Variants in TRRAP observed in about 807,000 individuals in gnomAD.
TRRAP encodes the protein transformation/transcription domain associated protein, also known as transformation/transcription domain-associated protein.
In TRRAP, 41 loss-of-function variants were observed where a neutral mutation model predicts 438.8. The observed-to-expected ratio is 0.09, with a 90% CI of 0.07 to 0.12. The LOEUF (loss-of-function observed/expected upper bound fraction) is 0.12. Among genes scored for constraint, TRRAP ranks in the 10% least tolerant of loss-of-function variants. The pLI is 1.00. For synonymous variants in TRRAP, 1,994 were observed against 1,962.9 expected (o/e 1.02, Z -0.42); for missense variants, 3,122 against 5,055.1 (o/e 0.62, Z 11.60).
intron 47 of TRRAP, among the ~76,000 whole-genome samples, chr7:98,963,766 T>C (rs751614224): frequency 9.9e-5 from 15 of 152,160 alleles, no homozygotes; most frequent in Non-Finnish European, 1.9e-4. Flanking sequence ...CTTTGGTTGA[T>C]CCGTGAATAC....
intron 62 of TRRAP, among the ~76,000 whole-genome samples, chr7:98,986,376 C>T (rs540727196): frequency 3.9e-5 from 6 of 152,282 alleles, no homozygotes; most frequent in East Asian, 3.9e-4. Context: ...CACAGTTGGC[C>T]GTACCATTTT....
rs771972499 is a variant in TRRAP, at chr7:98,967,607, A to G, written c.7421A>G (p.Lys2474Arg). The G allele has an allele frequency of 3.1e-6, 5 of 1,613,946 alleles. No individual in the cohort carries two copies. Among genetic ancestry groups the G allele is most frequent in the African/African-American group, 1.3e-5 (1 of 74,886 alleles). Reference protein sequence around the residue: ...KFFEVFDNSMKRRVYERLLYV... With the variant: ...KFFEVFDNSMRRRVYERLLYV... ...TTCGAGGTTTTTGACAACTCCATGA[A>G]ACGTCGTGTCTACGAGCGCTTGCTC... The change falls in exon 51 of 73, where the codon AAA (lysine) becomes AGA (arginine). Residue 2474 changes from lysine (K) to arginine (R), a missense_variant. By Grantham distance (26) the Lys-to-Arg change is conservative. Transcript: ENST00000456197.
chr7:98,948,772 A>G lies in TRRAP; in HGVS notation c.4788+87A>G, dbSNP rs1260268021. 1.9e-6 allele frequency: 3 copies of G among 1,590,150 alleles called. No individual in the cohort carries two copies. Among genetic ancestry groups the G allele is most frequent in the African/African-American group, 1.3e-5 (1 of 74,466 alleles). ...TGAAATGTTCAGTTCATATTTCACT[A>G]TTCAGTGTCCTGGCTGCTTTTTTTT... On this transcript the variant is annotated intron_variant, in intron 35 of 72. Transcript: ENST00000456197. The surrounding 1 kb of genome is among the most constrained non-coding windows in gnomAD (Gnocchi z 4.9).
At chr7:98,912,737 A>G (rs935857642) in intron 18 of TRRAP, among the ~76,000 whole-genome samples, 6 of 152,146 alleles carry the variant, frequency 3.9e-5, no homozygotes, top group Middle Eastern at 3.4e-3. Flanking sequence ...GTCTTCACCT[A>G]CCTCTCAAAT....
chr7:98,999,099 C>T (rs959139224), intron 67 of TRRAP: 2 of 1,394,572 alleles, frequency 1.4e-6, no homozygotes, highest in East Asian at 2.3e-5. Flanking sequence ...GCTCTTTGAC[C>T]TGGCCAGGAG....
At chr7:98,895,203 T>A (rs1425300923) in intron 6 of TRRAP, among the ~76,000 whole-genome samples, 3 of 152,210 alleles carry the variant, frequency 2.0e-5, no homozygotes, top group African/African-American at 7.2e-5. Flanking sequence ...ACTGTGCCCA[T>A]CCACAATTAT....
chr7:98,914,627 AT>A (rs1789434169), intron 18 of TRRAP, among the ~76,000 whole-genome samples: 1 of 136,162 alleles, frequency 7.3e-6, no homozygotes, highest in Non-Finnish European at 1.5e-5. Context: ...AGACAGGAGA[AT>A]TGCTTGAACC....
At position 98,978,908 on chromosome 7, in the gene TRRAP, A is replaced by G; in HGVS notation, c.8634+4A>G. 6.2e-7 allele frequency: 1 copy of G among 1,613,704 alleles called. No homozygotes were observed. Among genetic ancestry groups the G allele is most frequent in the Non-Finnish European group, 8.5e-7 (1 of 1,180,000 alleles). On this transcript the variant is annotated splice_donor_region_variant and intron_variant, in intron 58 of 72. Transcript: ENST00000456197. ...CATGAAGGAGGCGCTGGTGCAGGTG[A>G]GACGCCCCGGGGGCATCCCTGCCGC...
At chr7:98,915,983 G>A in intron 19 of TRRAP, 95 bp downstream of exon 19, 1 of 1,507,386 alleles carries the variant, frequency 6.6e-7, no homozygotes, top group African/African-American at 1.4e-5. Context: ...TCTGTAACTG[G>A]TGAGTGTCAT....
rs141654151 is a variant in TRRAP at position 98,894,567 on chromosome 7, A to C, written c.450+686A>C. Among the ~76,000 whole-genome samples the C allele has an allele frequency of 6.2e-3, 935 of 151,864 alleles. 10 individuals are homozygous for C. Among genetic ancestry groups the C allele is most frequent in the African/African-American group, 0.021 (871 of 41,522 alleles). The stretch of plus-strand genomic sequence containing the variant: ...GAAATAGGATTCCTACCATCTCAAA[A>C]ACAGGATTTTATGTCTTGGTGATTT... On this transcript the variant is annotated intron_variant, in intron 6 of 72. Coordinates refer to ENST00000456197, the MANE Select transcript of TRRAP (RefSeq NM_001375524.1).
chr7:98,908,966 C>G lies in TRRAP; in HGVS notation c.1350+4C>G. The G allele has an allele frequency of 6.2e-7, 1 of 1,611,212 alleles. No homozygotes were observed. Among genetic ancestry groups the G allele is most frequent in the Non-Finnish European group, 8.5e-7 (1 of 1,178,416 alleles). ...CGTCCTGATGCGGATGCTGGAGGTA[C>G]CAGCTCTTCTGAGAGTATCATCCAT... On this transcript the variant is annotated splice_donor_region_variant and intron_variant, in intron 14 of 72. Transcript: ENST00000456197. The surrounding 1 kb of genome is among the most constrained non-coding windows in gnomAD (Gnocchi z 4.1).
At chr7:98,991,000 T>C (rs1793404913) in intron 64 of TRRAP, among the ~76,000 whole-genome samples, 3 of 152,192 alleles carry the variant, frequency 2.0e-5, no homozygotes, top group Admixed American at 2.0e-4. Flanking sequence ...TGCTGGGAGC[T>C]CTTCGGAGCT....
At chr7:98,940,613 A>G (rs1222825858) in intron 30 of TRRAP, among the ~76,000 whole-genome samples, 1 of 152,308 alleles carries the variant, frequency 6.6e-6, no homozygotes, top group African/African-American at 2.4e-5. Context: ...CCTAAAATAA[A>G]TCACATGGGT....
chr7:98,966,023 T>C, intron 49 of TRRAP, 128 bp downstream of exon 49: 1 of 1,087,314 alleles, frequency 9.2e-7, no homozygotes, highest in Non-Finnish European at 1.3e-6. Flanking sequence ...ACAGCATCTT[T>C]TCTTAATTAA....
chr7:98,971,508 T>A (rs1792419677), intron 52 of TRRAP, among the ~76,000 whole-genome samples: 1 of 152,278 alleles, frequency 6.6e-6, no homozygotes, highest in African/African-American at 2.4e-5. Context: ...TTAATCTTTA[T>A]TATTTTTACG....
At chr7:98,988,709 G>A (rs1392742434) in intron 62 of TRRAP, 56 bp from the exon 63 acceptor site, 53 of 1,571,842 alleles carry the variant, frequency 3.4e-5, no homozygotes, top group Middle Eastern at 1.9e-4. Flanking sequence ...TTCAGATTAC[G>A]TGAAGCTCGC....
chr7:98,999,168 G>A, intron 67 of TRRAP: 1 of 1,580,668 alleles, frequency 6.3e-7, no homozygotes, highest in Non-Finnish European at 8.7e-7. Context: ...GGCCATCTCT[G>A]ATCTGGATTT....
intron 33 of TRRAP, among the ~76,000 whole-genome samples, chr7:98,946,735 C>T (rs935668075): frequency 5.9e-5 from 9 of 152,230 alleles, no homozygotes; most frequent in Non-Finnish European, 2.9e-5. Context: ...GCATTGCACA[C>T]ACCCCGAGCT....
At chr7:98,916,712 C>A (rs894771872) in intron 19 of TRRAP, among the ~76,000 whole-genome samples, 1 of 152,164 alleles carries the variant, frequency 6.6e-6, no homozygotes, top group African/African-American at 2.4e-5. Flanking sequence ...TCTCAGCTGT[C>A]CCCCAAGGGG....
Sources: allele counts gnomAD v4.1 joint callset (sites outside exome capture counted in the v4.1 genomes callset), GRCh38; gene constraint gnomAD v4.1.1; non-coding constraint Gnocchi (gnomAD v3.1); transcripts MANE v1.5; gene names NCBI Gene and HGNC (gene_info 2026-07-23, HGNC 2026-07-21).